The following TRHDE variants were observed in gnomAD, a reference collection of about 807,000 sequenced individuals.
TRHDE encodes the protein thyrotropin-releasing hormone-degrading ectoenzyme.
In TRHDE, 72 loss-of-function variants were observed where a neutral mutation model predicts 125.7. That is an observed-to-expected ratio of 0.57 (90% CI 0.47 to 0.70). The LOEUF (loss-of-function observed/expected upper bound fraction) is 0.70. Among genes scored for constraint, TRHDE ranks in the 30% least tolerant of loss-of-function variants. The pLI is 0.00. For synonymous variants in TRHDE, 509 were observed against 509.1 expected (o/e 1.00, Z 0.00); for missense variants, 1,110 against 1,327.1 (o/e 0.84, Z 2.54).
intron 2 of TRHDE, among the ~76,000 whole-genome samples, chr12:72,204,929 T>G (rs995386511): frequency 1.3e-5 from 2 of 152,228 alleles, no homozygotes; most frequent in African/African-American, 4.8e-5. Context: ...TTTGCCATCT[T>G]TATTTCTCTT....
At chr12:72,183,382 A>G (rs1271987732) in intron 2 of TRHDE, among the ~76,000 whole-genome samples, 4 of 152,242 alleles carry the variant, frequency 2.6e-5, no homozygotes, top group Non-Finnish European at 4.4e-5. Flanking sequence ...AGCACTTAGT[A>G]AAATCTTCTC....
chr12:72,123,233 A>G (rs956999593), intron 2 of TRHDE, among the ~76,000 whole-genome samples: 1 of 152,180 alleles, frequency 6.6e-6, no homozygotes, highest in Non-Finnish European at 1.5e-5. Flanking sequence ...TGCACCAGAA[A>G]GTAAAATTCC....
chr12:72,412,682 G>A (rs1325654740), intron 3 of TRHDE, among the ~76,000 whole-genome samples: 2 of 152,018 alleles, frequency 1.3e-5, no homozygotes, highest in East Asian at 1.9e-4. Flanking sequence ...ATAGTAGAAT[G>A]CTACAGTCAC....
intron 7 of TRHDE, among the ~76,000 whole-genome samples, chr12:72,549,010 A>T (rs1226615825): frequency 6.6e-6 from 1 of 151,942 alleles, no homozygotes. Flanking sequence ...TATCTTGATT[A>T]GTATTTAACT....
At chr12:72,600,872 A>G (rs1038395928) in intron 12 of TRHDE, among the ~76,000 whole-genome samples, 1 of 152,090 alleles carries the variant, frequency 6.6e-6, no homozygotes, top group African/African-American at 2.4e-5. Flanking sequence ...GCACCTAGTC[A>G]TCCAAGAGCT....
intron 2 of TRHDE, among the ~76,000 whole-genome samples, chr12:72,213,299 C>G (rs557367705): frequency 6.6e-6 from 1 of 151,926 alleles, no homozygotes; most frequent in Non-Finnish European, 1.5e-5. Flanking sequence ...TGCAAATATA[C>G]TAAAAACATT....
At chr12:72,498,033 G>A (rs1044097640) in intron 5 of TRHDE, among the ~76,000 whole-genome samples, 1 of 152,098 alleles carries the variant, frequency 6.6e-6, no homozygotes, top group East Asian at 1.9e-4. Flanking sequence ...GGGACTCAAA[G>A]CGTGATTTGA....
chr12:72,336,775 CCA>C (rs1440014837), intron 2 of TRHDE, among the ~76,000 whole-genome samples: 2 of 152,064 alleles, frequency 1.3e-5, no homozygotes, highest in East Asian at 1.9e-4. Context: ...TGTAACAAGC[CCA>C]CTTTCATGGT....
intron 2 of TRHDE, among the ~76,000 whole-genome samples, chr12:72,315,025 T>A (rs1432492469): frequency 1.3e-5 from 2 of 152,246 alleles, no homozygotes; most frequent in African/African-American, 4.8e-5. Context: ...TAAAAATAAA[T>A]TGTTTAGGCA....
At chr12:72,270,714 C>A (rs910519074), upstream of TRHDE, among the ~76,000 whole-genome samples, 1 of 152,202 alleles carries the variant, frequency 6.6e-6, no homozygotes, top group African/African-American at 2.4e-5. Context: ...GAGACTCCTG[C>A]TTCCTAGATG....
At chr12:72,254,616 T>C (rs1008229411) in intron 2 of TRHDE, 1 of 152,198 alleles carries the variant, frequency 6.6e-6, no homozygotes, top group Non-Finnish European at 1.5e-5. Flanking sequence ...TGCTTCCCAC[T>C]TTATTGAGAA....
intron 15 of TRHDE, among the ~76,000 whole-genome samples, chr12:72,645,015 T>C (rs1352838111): frequency 6.6e-6 from 1 of 152,174 alleles, no homozygotes; most frequent in Admixed American, 6.6e-5. Flanking sequence ...TGGGTGAGTA[T>C]CTTCTTCTGT....
At chr12:72,184,618 T>C (rs562541097) in intron 2 of TRHDE, among the ~76,000 whole-genome samples, 37 of 152,174 alleles carry the variant, frequency 2.4e-4, no homozygotes, top group Non-Finnish European at 5.3e-4. Context: ...TTGATATTTT[T>C]CTGTCTTCTT....
intron 2 of TRHDE, among the ~76,000 whole-genome samples, chr12:72,113,642 C>T (rs1169622154): frequency 6.6e-6 from 1 of 151,930 alleles, no homozygotes; most frequent in African/African-American, 2.4e-5. Flanking sequence ...AACCAGCCCC[C>T]ATCCTGAGCT....
intron 2 of TRHDE, among the ~76,000 whole-genome samples, chr12:72,170,016 G>T (rs140324013): frequency 1.2e-3 from 186 of 152,326 alleles, no homozygotes; most frequent in African/African-American, 4.3e-3. Flanking sequence ...CCACAAGGTA[G>T]AATGGAGAGA....
intron 2 of TRHDE, chr12:72,140,110 C>T (rs1005953058): frequency 6.6e-6 from 1 of 152,194 alleles, no homozygotes; most frequent in African/African-American, 2.4e-5. Context: ...AAATTCTCTT[C>T]CCTTTCCAGG....
chr12:72,562,499 T>A (rs991566848), intron 8 of TRHDE, among the ~76,000 whole-genome samples: 7 of 146,282 alleles, frequency 4.8e-5, no homozygotes, highest in African/African-American at 1.6e-4. Flanking sequence ...AAGATATTCA[T>A]GTTAAAAAAA....
At chr12:72,533,723 G>GTTTTTTTTTTTTTTTTTTTTTTT in intron 6 of TRHDE, among the ~76,000 whole-genome samples, 36 of 97,836 alleles carry the variant, frequency 3.7e-4, no homozygotes, top group Non-Finnish European at 6.2e-4. Context: ...TTTTCTATTT[G>GTTTTTTTTTTTTTTTTTTTTTTT]TTTTTTTTTT....
chr12:72,297,633 A>G (rs1880351934), intron 2 of TRHDE, among the ~76,000 whole-genome samples: 2 of 152,192 alleles, frequency 1.3e-5, no homozygotes. Context: ...GAATAGTGAA[A>G]GCCATGAACA....
Sources: gnomAD v4.1 joint callset for allele counts (sites outside exome capture counted in the v4.1 genomes callset) on GRCh38, gnomAD v4.1.1 for gene constraint, MANE v1.5 for transcripts, NCBI Gene and HGNC (gene_info 2026-07-23, HGNC 2026-07-21) for gene names.